STPG2: variants seen among roughly 807,000 people sequenced by gnomAD.
STPG2 encodes the protein sperm-tail PG-rich repeat-containing protein 2.
A neutral mutation model predicts 54.2 loss-of-function variants in STPG2; 56 were observed. That is an observed-to-expected ratio of 1.03 (90% CI 0.83 to 1.29). The LOEUF (loss-of-function observed/expected upper bound fraction) is 1.29, where lower values mean the gene tolerates loss of function less well. STPG2 is among the 50% of genes most tolerant of loss of function. STPG2 has a pLI of 0.00. For synonymous variants in STPG2, 200 were observed against 181.8 expected (o/e 1.10, Z -0.81); for missense variants, 596 against 544.9 (o/e 1.09, Z -0.93).
intron 9 of STPG2, among the ~76,000 whole-genome samples, chr4:97,808,623 T>TA (rs1224505544): frequency 6.6e-6 from 1 of 150,774 alleles, no homozygotes; most frequent in African/African-American, 2.4e-5. Context: ...CTATAACACT[T>TA]AAATTATTAA....
intron 9 of STPG2, 114 bp downstream of exon 9, chr4:97,840,659 C>T (rs1417046624): frequency 5.1e-6 from 6 of 1,186,472 alleles, no homozygotes; most frequent in Non-Finnish European, 7.1e-6. Flanking sequence ...TTTTGTTATA[C>T]ATTATTTTGC....
At chr4:97,560,457 G>T (rs564922551) in intron 10 of STPG2, among the ~76,000 whole-genome samples, 1 of 152,246 alleles carries the variant, frequency 6.6e-6, no homozygotes, top group East Asian at 1.9e-4. Flanking sequence ...CCCTTTAAGA[G>T]AGGGAAAGAA....
At position 98,088,513 on chromosome 4, in the gene STPG2, A is replaced by C. The variant is rs531087285; in HGVS notation, c.612+17440T>G. On this transcript the variant is annotated intron_variant, in intron 5 of 10. Coordinates refer to ENST00000295268, the MANE Select transcript of STPG2 (RefSeq NM_174952.3). ...GCTGAACAAAATACTCACTTCAATA[A>C]ATGCTTCTTGAATTTAAATAATAAT... Among the ~76,000 whole-genome samples the C allele has an allele frequency of 3.3e-5, 5 of 152,094 alleles. No individual in the cohort carries two copies. The South Asian group carries it at 1.0e-3, about 32-fold the overall frequency.
chr4:98,138,632 A>C (rs1308924334), intron 1 of STPG2, among the ~76,000 whole-genome samples: 1 of 152,122 alleles, frequency 6.6e-6, no homozygotes, highest in African/African-American at 2.4e-5. Flanking sequence ...TACAGCAATC[A>C]CATACATATT....
At chr4:97,876,309 A>G (rs942293162) in intron 8 of STPG2, among the ~76,000 whole-genome samples, 2 of 152,120 alleles carry the variant, frequency 1.3e-5, no homozygotes, top group Non-Finnish European at 2.9e-5. Context: ...GATTTTTTAT[A>G]TAGCAAATCA....
chr4:97,904,297 C>T (rs1246247550), intron 8 of STPG2, among the ~76,000 whole-genome samples: 3 of 152,174 alleles, frequency 2.0e-5, no homozygotes, highest in Non-Finnish European at 2.9e-5. Context: ...TGACCCCTGA[C>T]CCCCGAGCAG....
chr4:98,026,660 A>C (rs931340163), intron 5 of STPG2, among the ~76,000 whole-genome samples: 1 of 151,956 alleles, frequency 6.6e-6, no homozygotes, highest in Non-Finnish European at 1.5e-5. Context: ...ATACAGATAA[A>C]CTCCGGTCCA....
rs529961343 is a variant in STPG2 at position 98,129,123 on chromosome 4, G to C, written c.223-531C>G. ...AGAGAATGTATTTCTATTAAATTTA[G>C]AATAGAATAGAATAGATAACTATTA... On this transcript the variant is annotated intron_variant, in intron 2 of 10. Coordinates refer to ENST00000295268, the MANE Select transcript of STPG2 (RefSeq NM_174952.3). Among the ~76,000 whole-genome samples, 4 of 152,220 alleles carry C rather than the reference G, an allele frequency of 2.6e-5. No individual in the cohort carries two copies. The South Asian group carries it at 8.3e-4, about 32-fold the overall frequency.
At chr4:98,004,081 TTACTA>T (rs1447715413) in intron 5 of STPG2, among the ~76,000 whole-genome samples, 25 of 152,030 alleles carry the variant, frequency 1.6e-4, no homozygotes, top group African/African-American at 5.5e-4. Flanking sequence ...ATTAATAGAG[TTACTA>T]TACTATAACA....
chr4:97,757,885 G>C (rs1463128657), intron 9 of STPG2, among the ~76,000 whole-genome samples: 1 of 152,148 alleles, frequency 6.6e-6, no homozygotes, highest in Non-Finnish European at 1.5e-5. Flanking sequence ...ATTAGAGAAA[G>C]ACACTTAAGC....
chr4:97,862,944 G>C (rs1284041780), intron 8 of STPG2, among the ~76,000 whole-genome samples: 1 of 152,168 alleles, frequency 6.6e-6, no homozygotes, highest in African/African-American at 2.4e-5. Context: ...CACATTCAAA[G>C]CAGTGTGTAG....
At chr4:97,449,534 T>C (rs1729312660) in intron 4 of STPG2, among the ~76,000 whole-genome samples, 1 of 152,192 alleles carries the variant, frequency 6.6e-6, no homozygotes, top group Non-Finnish European at 1.5e-5. Flanking sequence ...AAAAAGGAGC[T>C]GATTAAAGAA....
chr4:97,466,535 A>T (rs1353200117), intron 4 of STPG2, among the ~76,000 whole-genome samples: 1 of 152,080 alleles, frequency 6.6e-6, no homozygotes, highest in Non-Finnish European at 1.5e-5. Context: ...TTTGTTAGTT[A>T]TCTGTGGTAT....
At chr4:97,453,152 G>A (rs1455159040) in intron 4 of STPG2, among the ~76,000 whole-genome samples, 2 of 152,190 alleles carry the variant, frequency 1.3e-5, no homozygotes, top group African/African-American at 4.8e-5. Context: ...CCCTCTTTGG[G>A]GTCCTGCAGT....
At chr4:97,868,267 A>C (rs77858326) in intron 8 of STPG2, among the ~76,000 whole-genome samples, 149 of 152,008 alleles carry the variant, frequency 9.8e-4, no homozygotes, top group African/African-American at 3.3e-3. Context: ...TCTGAATCAA[A>C]TTCATGGTGG....
intron 10 of STPG2, among the ~76,000 whole-genome samples, chr4:97,689,075 A>G (rs1723286072): frequency 6.6e-6 from 1 of 152,174 alleles, no homozygotes. Flanking sequence ...TAACCTCTAC[A>G]TACAACTGAA....
intron 8 of STPG2, chr4:97,893,220 T>C (rs1317175378): frequency 6.6e-6 from 1 of 151,476 alleles, no homozygotes; most frequent in Non-Finnish European, 1.5e-5. Context: ...CTTCTGGGAG[T>C]AGGAGGATGA....
chr4:97,922,695 C>T (rs1345346682), intron 8 of STPG2, among the ~76,000 whole-genome samples: 1 of 152,202 alleles, frequency 6.6e-6, no homozygotes, highest in Non-Finnish European at 1.5e-5. Context: ...CTGTTAGGTC[C>T]TGCAAACAGG....
At chr4:98,030,782 G>A (rs1208325079) in intron 5 of STPG2, among the ~76,000 whole-genome samples, 1 of 152,100 alleles carries the variant, frequency 6.6e-6, no homozygotes, top group Non-Finnish European at 1.5e-5. Context: ...ACAAGCAATG[G>A]GGAAAGGATT....
Sources: gnomAD v4.1 joint callset for allele counts (sites outside exome capture counted in the v4.1 genomes callset) on GRCh38, gnomAD v4.1.1 for gene constraint, MANE v1.5 for transcripts, NCBI Gene and HGNC (gene_info 2026-07-23, HGNC 2026-07-21) for gene names.